The following CHST9 variants were observed in gnomAD, a reference collection of about 807,000 sequenced individuals.
CHST9 encodes GalNAc-4-sulfotransferase 2.
CHST9 carries 41 observed loss-of-function variants against 44.4 expected under a neutral mutation model. The ratio of observed to expected loss-of-function variants is 0.92; its 90% confidence interval spans 0.72 to 1.20. The LOEUF (loss-of-function observed/expected upper bound fraction) is 1.20, where lower values mean the gene tolerates loss of function less well. Among genes scored for constraint, CHST9 ranks in the 50% most tolerant of loss-of-function variants. The pLI is 0.00. For missense variants in CHST9, 504 were observed against 516.5 expected (o/e 0.98, Z 0.23); for synonymous variants, 171 against 178.4 (o/e 0.96, Z 0.33).
chr18:27,048,612 C>T, intron 2 of CHST9, 109 bp from the exon 3 acceptor site: 2 of 853,658 alleles, frequency 2.3e-6, no homozygotes, highest in Non-Finnish European at 3.7e-6. Context: ...TCTACTTCAG[C>T]CATGTCCAGT....
intron 2 of CHST9, among the ~76,000 whole-genome samples, chr18:27,120,556 A>G (rs1014939834): frequency 5.9e-5 from 9 of 151,466 alleles, no homozygotes; most frequent in Admixed American, 2.0e-4. Context: ...GAAATGTCCC[A>G]GGGAAAGACC....
rs200138946 is a variant in CHST9 at position 26,925,133 on chromosome 18, C to CA, written c.241-7784dup. Among the ~76,000 whole-genome samples the CA allele has an allele frequency of 4.3e-3, 644 of 151,506 alleles. 2 individuals carry two copies. The highest frequency in any genetic ancestry group is 0.01 in the Middle Eastern group (3 of 294). ...AGAAAAAACTTGGTGCATTAAAGGA[C>CA]AAAAAAAAATTTGGCACAGGAAAAC... On this transcript the variant is annotated intron_variant, in intron 5 of 5. Transcript: ENST00000618847.
intron 4 of CHST9, among the ~76,000 whole-genome samples, chr18:26,995,437 C>CAAAAA (rs11284514): frequency 9.7e-6 from 1 of 102,682 alleles, no homozygotes; most frequent in Admixed American, 9.5e-5. Context: ...GACTCCGTCT[C>CAAAAA]AAAAAAAAAA....
intron 3 of CHST9, among the ~76,000 whole-genome samples, chr18:27,044,780 A>C (rs2057480709): frequency 6.6e-6 from 1 of 152,072 alleles, no homozygotes; most frequent in African/African-American, 2.4e-5. Context: ...GCATTCAATA[A>C]ATGTGACATA....
At chr18:27,181,149 A>G (rs1409621395) in intron 1 of CHST9, among the ~76,000 whole-genome samples, 1 of 152,172 alleles carries the variant, frequency 6.6e-6, no homozygotes, top group Non-Finnish European at 1.5e-5. Context: ...TTCCCATCAT[A>G]TATTTTTGGC....
At chr18:26,926,857 A>G (rs1222186968) in intron 5 of CHST9, among the ~76,000 whole-genome samples, 4 of 152,248 alleles carry the variant, frequency 2.6e-5, no homozygotes, top group African/African-American at 9.6e-5. Context: ...AAAACCCAAT[A>G]AATTATATTT....
Position 26,911,946 on chromosome 18 carries a change from C to T in CHST9, c.*4313G>A, listed in dbSNP as rs1295244655. 6.6e-6 allele frequency: 1 copy of T among 152,088 alleles called. No homozygotes were observed. The highest frequency in any genetic ancestry group is 2.4e-5 in the African/African-American group (1 of 41,394). The allele number at this position is 152,088 out of a possible 1,614,324, so 9.4% of individuals were successfully genotyped here. A position where few individuals can be genotyped will look rare whatever the true frequency, so the allele number is the denominator to read the frequency against. On this transcript the variant is annotated 3_prime_UTR_variant, in exon 6 of 6. Transcript: ENST00000618847. ...GTGTAGGCTCAGGGTAATCTGACTA[C>T]AAACTAGTACTAGGGAAGGAGACTC...
At chr18:27,156,043 A>G (rs1328145071) in intron 1 of CHST9, among the ~76,000 whole-genome samples, 1 of 152,110 alleles carries the variant, frequency 6.6e-6, no homozygotes, top group Non-Finnish European at 1.5e-5. Context: ...TAAGAAACCG[A>G]GATAGGATAT....
At chr18:27,036,110 C>T (rs147008555) in intron 3 of CHST9, among the ~76,000 whole-genome samples, 29 of 151,996 alleles carry the variant, frequency 1.9e-4, no homozygotes, top group East Asian at 1.5e-3. Context: ...ACCCTTTTTC[C>T]GAGTGTAACA....
intron 2 of CHST9, among the ~76,000 whole-genome samples, chr18:27,053,165 A>AAGG (rs2057594630): frequency 6.8e-6 from 1 of 147,396 alleles, no homozygotes; most frequent in Non-Finnish European, 1.5e-5. Context: ...GAAGAAGAAG[A>AAGG]AGAAGAAGAA....
chr18:27,044,695 G>A (rs978383244), intron 3 of CHST9, among the ~76,000 whole-genome samples: 2 of 151,534 alleles, frequency 1.3e-5, no homozygotes, highest in African/African-American at 4.8e-5. Flanking sequence ...ATAGTGTATA[G>A]GAACTATGTC....
chr18:26,930,564 G>A (rs2055858761), intron 5 of CHST9: 1 of 153,346 alleles, frequency 6.5e-6, no homozygotes, highest in Admixed American at 6.6e-5. Flanking sequence ...TTCCAAAATG[G>A]GTTACCTCTC....
intron 1 of CHST9, among the ~76,000 whole-genome samples, chr18:27,148,014 C>T (rs2058628228): frequency 6.6e-6 from 1 of 152,026 alleles, no homozygotes. Flanking sequence ...CTCCATCCTC[C>T]CAAATTCCAC....
intron 5 of CHST9, among the ~76,000 whole-genome samples, chr18:26,921,249 T>C (rs2055647066): frequency 6.6e-6 from 1 of 152,192 alleles, no homozygotes; most frequent in Admixed American, 6.5e-5. Flanking sequence ...TTCTTGTTTA[T>C]CCATTTCTCG....
chr18:26,962,002 A>G (rs569363468), intron 4 of CHST9, among the ~76,000 whole-genome samples: 3 of 152,330 alleles, frequency 2.0e-5, no homozygotes, highest in African/African-American at 7.2e-5. Context: ...GGAGACACAC[A>G]GGACAGATTC....
At chr18:27,128,672 C>T (rs1423292728) in intron 2 of CHST9, among the ~76,000 whole-genome samples, 2 of 152,154 alleles carry the variant, frequency 1.3e-5, no homozygotes, top group Non-Finnish European at 2.9e-5. Context: ...TAACTAGTAG[C>T]AAGATACTAC....
chr18:27,086,365 C>T (rs891422580), intron 2 of CHST9, among the ~76,000 whole-genome samples: 10 of 152,168 alleles, frequency 6.6e-5, no homozygotes, highest in African/African-American at 1.4e-4. Context: ...GGTGAGTTGG[C>T]CTTTGCCAAA....
intron 1 of CHST9, among the ~76,000 whole-genome samples, chr18:27,148,093 C>T (rs965385217): frequency 1.1e-4 from 17 of 151,990 alleles, no homozygotes; most frequent in South Asian, 6.2e-4. Flanking sequence ...TGAGCACCTA[C>T]TTATAACTGA....
At chr18:26,946,510 T>C (rs2056165370) in intron 4 of CHST9, among the ~76,000 whole-genome samples, 1 of 152,152 alleles carries the variant, frequency 6.6e-6, no homozygotes, top group South Asian at 2.1e-4. Flanking sequence ...TTGGGAAATT[T>C]AAGATCCTCT....
Sources: gnomAD v4.1 joint callset for allele counts (sites outside exome capture counted in the v4.1 genomes callset) on GRCh38, gnomAD v4.1.1 for gene constraint, MANE v1.5 for transcripts, NCBI Gene and HGNC (gene_info 2026-07-23, HGNC 2026-07-21) for gene names.